EDARADD: variants seen among roughly 807,000 people sequenced by gnomAD.
EDARADD encodes the protein EDAR associated via death domain, also known as ectodysplasin-A receptor-associated adapter protein.
A neutral mutation model predicts 25.6 loss-of-function variants in EDARADD; 20 were observed. That is an observed-to-expected ratio of 0.78 (90% CI 0.55 to 1.14). The LOEUF is 1.14. EDARADD is among the 50% of genes most tolerant of loss of function. EDARADD has a pLI of 0.00. For missense variants in EDARADD, 225 were observed against 270.1 expected, an observed-to-expected ratio of 0.83 and a Z score of 1.17; for synonymous variants, 86 against 94.4, an observed-to-expected ratio of 0.91 and a Z score of 0.52.
chr1:236,405,077 G>C (rs971801813), intron 1 of EDARADD, among the ~76,000 whole-genome samples: 6 of 152,058 alleles, frequency 3.9e-5, no homozygotes, highest in Non-Finnish European at 8.8e-5. Context: ...CTGGGCGACA[G>C]AGTGAGACTC....
intron 2 of EDARADD, among the ~76,000 whole-genome samples, chr1:236,411,110 T>G (rs1657461687): frequency 6.6e-6 from 1 of 152,158 alleles, no homozygotes; most frequent in South Asian, 2.1e-4. Context: ...AGGTTTTCTT[T>G]CCCTCCCTTG....
At chr1:236,362,482 C>T (rs1460997110) in intron 3 of EDARADD, among the ~76,000 whole-genome samples, 1 of 152,146 alleles carries the variant, frequency 6.6e-6, no homozygotes, top group Non-Finnish European at 1.5e-5. Flanking sequence ...CAAAACACTT[C>T]CCCAGCTTGT....
At chr1:236,476,873 TG>T (rs1659523000) in intron 5 of EDARADD, among the ~76,000 whole-genome samples, 1 of 151,914 alleles carries the variant, frequency 6.6e-6, no homozygotes, top group African/African-American at 2.4e-5. Flanking sequence ...TGGAGGTGCA[TG>T]CCAGCTACTC....
intron 3 of EDARADD, among the ~76,000 whole-genome samples, chr1:236,369,881 A>G (rs865853419): frequency 3.1e-4 from 47 of 152,184 alleles, no homozygotes; most frequent in African/African-American, 1.1e-3. Context: ...TCATATTTCA[A>G]CTATCCTTGA....
chr1:236,467,033 T>C (rs1024465302), intron 4 of EDARADD, among the ~76,000 whole-genome samples: 13 of 151,212 alleles, frequency 8.6e-5, no homozygotes, highest in Non-Finnish European at 1.3e-4. Flanking sequence ...GCCACTGCAC[T>C]CCAGCCTGGG....
At chr1:236,415,137 G>A (rs1343543257) in intron 3 of EDARADD, among the ~76,000 whole-genome samples, 1 of 152,200 alleles carries the variant, frequency 6.6e-6, no homozygotes, top group East Asian at 1.9e-4. Flanking sequence ...TTGTGATTGT[G>A]GCAGTTCAGG....
intron 3 of EDARADD, among the ~76,000 whole-genome samples, chr1:236,422,358 G>C (rs938104772): frequency 1.3e-5 from 2 of 152,204 alleles, no homozygotes; most frequent in East Asian, 1.9e-4. Context: ...GCTGTACATA[G>C]AGACATCTGT....
At chr1:236,432,153 T>G (rs1157822525) in intron 4 of EDARADD, among the ~76,000 whole-genome samples, 1 of 151,986 alleles carries the variant, frequency 6.6e-6, no homozygotes, top group African/African-American at 2.4e-5. Flanking sequence ...AGCAAAAATT[T>G]GTTCCAGCTG....
chr1:236,455,080 G>C (rs1202923282), intron 4 of EDARADD, among the ~76,000 whole-genome samples: 1 of 152,050 alleles, frequency 6.6e-6, no homozygotes, highest in Non-Finnish European at 1.5e-5. Flanking sequence ...CGTGGTGGCG[G>C]GCGCCTGTAG....
intron 4 of EDARADD, among the ~76,000 whole-genome samples, chr1:236,466,041 T>G (rs1659176563): frequency 6.6e-6 from 1 of 152,176 alleles, no homozygotes; most frequent in Non-Finnish European, 1.5e-5. Flanking sequence ...AGTTTCTACT[T>G]AGAGTCAGGT....
At chr1:236,375,093 T>C (rs532216960) in intron 3 of EDARADD, among the ~76,000 whole-genome samples, 1 of 152,180 alleles carries the variant, frequency 6.6e-6, no homozygotes, top group Admixed American at 6.5e-5. Context: ...TACTTTTTCT[T>C]TAGTTGTTGT....
chr1:236,352,752 G>A (rs113568222), intron 3 of EDARADD, among the ~76,000 whole-genome samples: 380 of 152,304 alleles, frequency 2.5e-3, no homozygotes, highest in African/African-American at 8.8e-3. Context: ...GGAGGCTGAG[G>A]CAGGAGAATC....
In EDARADD at chr1:236,483,108, C is replaced by A; in HGVS notation, c.*459C>A. The A allele has an allele frequency of 8.5e-7, 1 of 1,172,192 alleles. No individual in the cohort carries two copies. The highest frequency in any genetic ancestry group is 1.3e-6 in the Non-Finnish European group (1 of 795,422). 72.6% of individuals were successfully genotyped at this position (1,172,192 alleles called of 1,614,324 possible). On this transcript the variant is annotated 3_prime_UTR_variant, in exon 6 of 6. Coordinates refer to ENST00000334232, the MANE Select transcript of EDARADD (RefSeq NM_145861.4). ...CTACAAGGAATGCTTACCTGAGTGTCTGCAGCACCCTCCACTTCTCTCCTA... is the reference window on the plus strand; with the variant it reads ...CTACAAGGAATGCTTACCTGAGTGTATGCAGCACCCTCCACTTCTCTCCTA...
chr1:236,440,173 T>C (rs582003), intron 4 of EDARADD, among the ~76,000 whole-genome samples: 151,204 of 152,288 alleles, frequency 0.99, 75,072 homozygotes, highest in Middle Eastern at 1. Context: ...ACTATATTTA[T>C]GTGGTCCTAT....
chr1:236,447,724 A>G (rs1013293461), intron 4 of EDARADD, among the ~76,000 whole-genome samples: 1 of 152,336 alleles, frequency 6.6e-6, no homozygotes, highest in South Asian at 2.1e-4. Context: ...TAGTGGCCCA[A>G]AGAAAACAGA....
At chr1:236,473,444 C>G (rs1470572523) in intron 5 of EDARADD, among the ~76,000 whole-genome samples, 1 of 152,072 alleles carries the variant, frequency 6.6e-6, no homozygotes, top group Non-Finnish European at 1.5e-5. Context: ...AGGAGGTGAG[C>G]TGGGAGATAG....
intron 4 of EDARADD, among the ~76,000 whole-genome samples, chr1:236,428,511 C>G (rs564779300): frequency 6.6e-6 from 1 of 151,892 alleles, no homozygotes; most frequent in East Asian, 1.9e-4. Flanking sequence ...GGGTGGCGGC[C>G]GGGCAGAGGG....
At chr1:236,377,783 G>T (rs980361857) in intron 3 of EDARADD, among the ~76,000 whole-genome samples, 4 of 151,756 alleles carry the variant, frequency 2.6e-5, no homozygotes, top group South Asian at 2.1e-4. Flanking sequence ...GCTTGAACCC[G>T]GGAGGCAGAG....
chr1:236,440,080 T>G (rs530035394), intron 4 of EDARADD, among the ~76,000 whole-genome samples: 2 of 152,350 alleles, frequency 1.3e-5, no homozygotes, highest in Non-Finnish European at 2.9e-5. Context: ...GACTAATTTT[T>G]TTTTGTTATT....
Sources: gnomAD v4.1 joint callset for allele counts (sites outside exome capture counted in the v4.1 genomes callset) on GRCh38, gnomAD v4.1.1 for gene constraint, MANE v1.5 for transcripts, NCBI Gene and HGNC (gene_info 2026-07-23, HGNC 2026-07-21) for gene names.